ART3: variants seen among roughly 807,000 people sequenced by gnomAD.
ART3 encodes ADP-ribosyltransferase 3 (inactive), also known as ecto-ADP-ribosyltransferase 3.
ART3 carries 49 observed loss-of-function variants against 48.5 expected under a neutral mutation model. That is an observed-to-expected ratio of 1.01 (90% CI 0.80 to 1.28). ART3 has a LOEUF of 1.28. ART3 is among the 50% of genes most tolerant of loss of function. The pLI, the probability that ART3 is intolerant of heterozygous loss-of-function variation, is 0.00. For missense variants in ART3, 438 were observed against 454.3 expected, an observed-to-expected ratio of 0.96 and a Z score of 0.33; for synonymous variants, 145 against 157.2, an observed-to-expected ratio of 0.92 and a Z score of 0.58.
chr4:76,035,178 C>A (rs778557567), intron 1 of ART3: 7 of 1,613,780 alleles, frequency 4.3e-6, no homozygotes, highest in Non-Finnish European at 5.1e-6. Context: ...AACAAAAAAG[C>A]CTGCACCATT....
intron 1 of ART3, among the ~76,000 whole-genome samples, chr4:76,063,066 A>G (rs1262019715): frequency 1.3e-5 from 2 of 151,060 alleles, no homozygotes; most frequent in Admixed American, 6.6e-5. Context: ...GTGTGCCCCA[A>G]CTCCCCACAC....
intron 3 of ART3, among the ~76,000 whole-genome samples, chr4:76,083,292 C>T (rs1384568460): frequency 6.6e-6 from 1 of 152,188 alleles, no homozygotes; most frequent in Non-Finnish European, 1.5e-5. Flanking sequence ...TTAGCTATTT[C>T]TTCAGGTGCT....
chr4:76,050,711 G>T (rs1317256779), intron 1 of ART3, among the ~76,000 whole-genome samples: 1 of 152,206 alleles, frequency 6.6e-6, no homozygotes, highest in African/African-American at 2.4e-5. Flanking sequence ...GCAGGGGGTG[G>T]CACTTGTCGC....
rs149398782 is a variant in ART3 at position 76,052,212 on chromosome 4, C to G, written c.-9-23669C>G. On this transcript the variant is annotated intron_variant, in intron 1 of 9. Transcript: ENST00000341029. ...CCTGGTCAATATGCTTTATCTCTTT[C>G]TGGGACTTTGACATAAGAAGAGATT... 5.9e-5 allele frequency among the ~76,000 whole-genome samples: 9 copies of G among 152,262 alleles called. No individual in the cohort carries two copies. The East Asian group carries it at 7.7e-4, about 13-fold the overall frequency.
chr4:76,091,680 T>C (rs763316694), intron 3 of ART3, among the ~76,000 whole-genome samples: 241 of 47,556 alleles, frequency 5.1e-3, no homozygotes, highest in South Asian at 0.014. Flanking sequence ...GTAGCTTATC[T>C]TTTTTTTTTT....
intron 1 of ART3, among the ~76,000 whole-genome samples, chr4:76,041,988 T>G (rs1735018164): frequency 6.6e-6 from 1 of 152,230 alleles, no homozygotes; most frequent in African/African-American, 2.4e-5. Flanking sequence ...CCTTTTTTAT[T>G]GTTTCCAGAA....
chr4:76,082,624 G>C, intron 3 of ART3, 89 bp downstream of exon 3: 4 of 1,038,932 alleles, frequency 3.9e-6, no homozygotes, highest in Non-Finnish European at 5.5e-6. Flanking sequence ...AGAGTGAGAG[G>C]TGTTTGAAAG....
intron 8 of ART3, among the ~76,000 whole-genome samples, chr4:76,103,149 T>G (rs1477090656): frequency 1.3e-5 from 2 of 152,160 alleles, no homozygotes. Context: ...AGGCTCACTG[T>G]TTCACCTGGG....
At position 76,046,901 on chromosome 4, in the gene ART3, A is replaced by C. The variant is rs922895086; in HGVS notation, c.-9-28980A>C. On this transcript the variant is annotated intron_variant, in intron 1 of 9. Coordinates refer to the ART3 transcript ENST00000341029. ...GGACAGTCATCCAGGACAGGAGATTAACCCTGAGAAGGCCGCGCCAGTGTC... is the reference window on the plus strand; with the variant it reads ...GGACAGTCATCCAGGACAGGAGATTCACCCTGAGAAGGCCGCGCCAGTGTC... Among the ~76,000 whole-genome samples, 3 of 152,006 alleles carry C rather than the reference A, an allele frequency of 2.0e-5. 1 individual carries two copies.
chr4:76,060,391 T>G (rs13121161), intron 1 of ART3, among the ~76,000 whole-genome samples: 33,010 of 152,102 alleles, frequency 0.22, 4,081 homozygotes, highest in East Asian at 0.4. Flanking sequence ...AAAATCTCTT[T>G]TCTTGAGGCT....
chr4:76,043,196 C>T (rs894802608), intron 1 of ART3, among the ~76,000 whole-genome samples: 8 of 152,134 alleles, frequency 5.3e-5, no homozygotes, highest in Admixed American at 1.3e-4. Context: ...AGGTTCTCCA[C>T]GTCCCCACCA....
At chr4:76,059,373 T>TTTC (rs1553929164) in intron 1 of ART3, among the ~76,000 whole-genome samples, 5 of 149,728 alleles carry the variant, frequency 3.3e-5, no homozygotes, top group East Asian at 1.9e-4. Flanking sequence ...TTTTTTTTTC[T>TTTC]TTTTTTTTTC....
chr4:76,015,183 A>G (rs1401802797), intron 1 of ART3, among the ~76,000 whole-genome samples: 2 of 152,168 alleles, frequency 1.3e-5, no homozygotes, highest in African/African-American at 4.8e-5. Flanking sequence ...GTACCTTCTC[A>G]TTTTTCCTAT....
intron 1 of ART3, among the ~76,000 whole-genome samples, chr4:76,029,776 A>G (rs1175957083): frequency 6.6e-6 from 1 of 152,242 alleles, no homozygotes; most frequent in African/African-American, 2.4e-5. Flanking sequence ...AGCATTATCC[A>G]AAACTACTCC....
chr4:76,110,157 A>G (rs1729209573), intron 11 of ART3, among the ~76,000 whole-genome samples: 3 of 152,204 alleles, frequency 2.0e-5, no homozygotes, highest in Admixed American at 1.3e-4. Context: ...AAAACAATGC[A>G]GCTATAGTTA....
At chr4:76,023,973 A>G (rs1398002124) in intron 1 of ART3, among the ~76,000 whole-genome samples, 1 of 152,228 alleles carries the variant, frequency 6.6e-6, no homozygotes, top group Admixed American at 6.5e-5. Flanking sequence ...TTGATCAAAT[A>G]CTATAAAGTA....
chr4:76,089,810 G>C (rs1468182789), intron 3 of ART3, among the ~76,000 whole-genome samples: 1 of 151,990 alleles, frequency 6.6e-6, no homozygotes, highest in African/African-American at 2.4e-5. Flanking sequence ...GGCTGGGCGC[G>C]GTGGCTCACG....
At chr4:76,094,059 G>T (rs960582639) in intron 3 of ART3, among the ~76,000 whole-genome samples, 2 of 152,168 alleles carry the variant, frequency 1.3e-5, no homozygotes, top group Non-Finnish European at 2.9e-5. Flanking sequence ...CCATAGCTTT[G>T]TTCTTTCTCT....
chr4:76,067,811 C>A (rs904606789), intron 1 of ART3, among the ~76,000 whole-genome samples: 1 of 152,136 alleles, frequency 6.6e-6, no homozygotes, highest in African/African-American at 2.4e-5. Context: ...AGAGCAGTGG[C>A]CTGCCATTGA....
Sources: allele counts gnomAD v4.1 joint callset (sites outside exome capture counted in the v4.1 genomes callset), GRCh38; gene constraint gnomAD v4.1.1; transcripts MANE v1.5; gene names NCBI Gene and HGNC (gene_info 2026-07-23, HGNC 2026-07-21).